The following NELL2 variants were observed in gnomAD, a reference collection of about 807,000 sequenced individuals.
The protein encoded by NELL2 is protein kinase C-binding protein NELL2.
NELL2 carries 41 observed loss-of-function variants against 109.6 expected under a neutral mutation model. The ratio of observed to expected loss-of-function variants is 0.37; its 90% CI spans 0.29 to 0.49. The LOEUF (loss-of-function observed/expected upper bound fraction) is 0.49. Ranked by LOEUF, NELL2 falls within the 20% of genes least tolerant of loss-of-function variation. NELL2 has a pLI of 0.98. For synonymous variants in NELL2, 355 were observed against 344.7 expected, an observed-to-expected ratio of 1.03 and a Z score of -0.33; for missense variants, 900 against 1,008.3, an observed-to-expected ratio of 0.89 and a Z score of 1.45.
At chr12:44,890,165 A>G (rs1031537564) in intron 1 of NELL2, among the ~76,000 whole-genome samples, 2 of 152,184 alleles carry the variant, frequency 1.3e-5, no homozygotes, top group Non-Finnish European at 2.9e-5. Flanking sequence ...CCAGCTTGAC[A>G]GTCTTGGCCA....
intron 12 of NELL2, among the ~76,000 whole-genome samples, chr12:44,679,158 C>T (rs1948415648): frequency 6.6e-6 from 1 of 152,028 alleles, no homozygotes; most frequent in Non-Finnish European, 1.5e-5. Flanking sequence ...ACCTATTACT[C>T]CCGGGAGGAG....
chr12:44,678,971 C>T (rs181904253), intron 12 of NELL2, among the ~76,000 whole-genome samples: 182 of 151,834 alleles, frequency 1.2e-3, no homozygotes, highest in African/African-American at 3.7e-3. Flanking sequence ...AAAGGGGAAA[C>T]GGCAATAATA....
At chr12:44,786,772 A>T (rs1384298417) in intron 3 of NELL2, among the ~76,000 whole-genome samples, 1 of 152,222 alleles carries the variant, frequency 6.6e-6, no homozygotes, top group East Asian at 1.9e-4. Context: ...AAACTAACAC[A>T]GGAAGAGAAA....
intron 15 of NELL2, among the ~76,000 whole-genome samples, chr12:44,606,963 C>T (rs1945427778): frequency 6.6e-6 from 1 of 152,086 alleles, no homozygotes; most frequent in African/African-American, 2.4e-5. Flanking sequence ...GTTATAATAG[C>T]TGCAAAACCT....
chr12:44,840,903 T>C (rs1944207189), intron 2 of NELL2, among the ~76,000 whole-genome samples: 2 of 152,326 alleles, frequency 1.3e-5, no homozygotes, highest in African/African-American at 4.8e-5. Flanking sequence ...TGTTTTCCTA[T>C]GGTAGTTGTT....
At chr12:44,572,333 A>G (rs1943906076) in intron 15 of NELL2, among the ~76,000 whole-genome samples, 2 of 152,064 alleles carry the variant, frequency 1.3e-5, no homozygotes, top group South Asian at 4.1e-4. Context: ...TTTTTTCTGT[A>G]GTGATGGGAT....
chr12:44,756,183 T>C (rs1363890723), intron 9 of NELL2, among the ~76,000 whole-genome samples: 5 of 152,152 alleles, frequency 3.3e-5, no homozygotes, highest in African/African-American at 1.2e-4. Flanking sequence ...TGTTTGTACA[T>C]AGAAGGTGTC....
intron 3 of NELL2, among the ~76,000 whole-genome samples, chr12:44,809,682 G>T (rs10880690): frequency 0.19 from 29,247 of 151,982 alleles, 3,057 homozygotes; most frequent in South Asian, 0.29. Context: ...CACTGCTGAT[G>T]GAGTTCCCGG....
intron 12 of NELL2, among the ~76,000 whole-genome samples, chr12:44,696,905 A>T (rs1949076775): frequency 6.6e-6 from 1 of 152,236 alleles, no homozygotes; most frequent in Non-Finnish European, 1.5e-5. Context: ...ACACAGATAC[A>T]TATATTGAAT....
intron 13 of NELL2, 163 bp downstream of exon 13, chr12:44,665,321 T>C (rs1400199596): frequency 8.9e-6 from 5 of 559,594 alleles, no homozygotes; most frequent in Non-Finnish European, 1.4e-5. Flanking sequence ...GTTTTTTTTC[T>C]TTAGAACAGA....
chr12:44,693,696 G>A (rs1433031779), intron 12 of NELL2, among the ~76,000 whole-genome samples: 6 of 152,162 alleles, frequency 3.9e-5, no homozygotes, highest in Non-Finnish European at 8.8e-5. Context: ...GAAAGTTGAA[G>A]CACAATAGAA....
In NELL2 at chr12:44,846,836, A is replaced by G. The variant is rs974519589; in HGVS notation, c.184+28389T>C. 6.6e-5 allele frequency among the ~76,000 whole-genome samples: 10 copies of G among 152,234 alleles called. 1 individual carries two copies. The highest frequency in any genetic ancestry group is 2.4e-4 in the African/African-American group (10 of 41,468). On this transcript the variant is annotated intron_variant, in intron 2 of 19. Transcript: ENST00000429094. The stretch of plus-strand genomic sequence containing the variant: ...CATTTGAGCTCTCTATGTATGACAC[A>G]TACAAATGTTATTTGGTTTATTTTA...
At chr12:44,686,180 G>C (rs1318736845) in intron 12 of NELL2, among the ~76,000 whole-genome samples, 2 of 152,030 alleles carry the variant, frequency 1.3e-5, no homozygotes, top group Non-Finnish European at 2.9e-5. Context: ...TTCCATCGCT[G>C]ATACCCTTTC....
intron 12 of NELL2, among the ~76,000 whole-genome samples, chr12:44,695,143 G>T (rs1362930060): frequency 6.8e-6 from 1 of 147,070 alleles, no homozygotes; most frequent in Non-Finnish European, 1.5e-5. Context: ...AGAAAAGAAG[G>T]AAGGAAAGAG....
intron 13 of NELL2, among the ~76,000 whole-genome samples, chr12:44,620,137 T>TA (rs1555186461): frequency 2.7e-5 from 4 of 147,158 alleles, no homozygotes; most frequent in South Asian, 2.1e-4. Flanking sequence ...TTTTTTTTTT[T>TA]ATGGCAAAGA....
intron 12 of NELL2, among the ~76,000 whole-genome samples, chr12:44,676,415 G>T (rs1191014865): frequency 1.3e-5 from 2 of 152,054 alleles, no homozygotes; most frequent in Non-Finnish European, 2.9e-5. Flanking sequence ...AGCTAACACT[G>T]AAAGGAACTG....
intron 15 of NELL2, among the ~76,000 whole-genome samples, chr12:44,538,261 T>A (rs756911134): frequency 3.3e-4 from 50 of 152,224 alleles, no homozygotes; most frequent in Non-Finnish European, 6.0e-4. Context: ...AGTGTATATC[T>A]TAAAGTCAGT....
intron 3 of NELL2, among the ~76,000 whole-genome samples, chr12:44,806,755 A>T (rs542748159): frequency 6.6e-6 from 1 of 151,966 alleles, no homozygotes; most frequent in East Asian, 1.9e-4. Context: ...TTGCATTTTT[A>T]AATGCATACA....
chr12:44,675,472 C>T (rs2136358085), intron 12 of NELL2, among the ~76,000 whole-genome samples: 1 of 152,150 alleles, frequency 6.6e-6, no homozygotes, highest in African/African-American at 2.4e-5. Context: ...TTCTCTTGCC[C>T]CAGGATAATT....
Sources: gnomAD v4.1 joint callset for allele counts (sites outside exome capture counted in the v4.1 genomes callset) on GRCh38, gnomAD v4.1.1 for gene constraint, MANE v1.5 for transcripts, NCBI Gene and HGNC (gene_info 2026-07-23, HGNC 2026-07-21) for gene names.